Variants in ADGRA3 observed in about 807,000 individuals in gnomAD.
The protein encoded by ADGRA3 is G-protein coupled receptor 125.
A neutral mutation model predicts 119.8 loss-of-function variants in ADGRA3; 56 were observed. The observed-to-expected ratio is 0.47, with a 90% CI of 0.38 to 0.58. The LOEUF (loss-of-function observed/expected upper bound fraction) is 0.58. Ranked by LOEUF, ADGRA3 falls within the 20% of genes least tolerant of loss-of-function variation. The pLI is 0.00. For missense variants in ADGRA3, 1,516 were observed against 1,649.0 expected (o/e 0.92, Z 1.40); for synonymous variants, 607 against 623.8 (o/e 0.97, Z 0.40).
chr4:22,469,571 C>T (rs1351047027), intron 2 of ADGRA3, among the ~76,000 whole-genome samples: 2 of 152,210 alleles, frequency 1.3e-5, no homozygotes, highest in Non-Finnish European at 2.9e-5. Context: ...CATACCACTT[C>T]TTTGAGTTCT....
intron 1 of ADGRA3, among the ~76,000 whole-genome samples, chr4:22,476,375 A>T (rs1718045453): frequency 6.6e-6 from 1 of 152,174 alleles, no homozygotes; most frequent in South Asian, 2.1e-4. Context: ...ACAGACAAAA[A>T]TCGGAAACTC....
intron 14 of ADGRA3, among the ~76,000 whole-genome samples, chr4:22,410,170 T>C (rs1325417465): frequency 6.6e-6 from 1 of 152,198 alleles, no homozygotes; most frequent in East Asian, 1.9e-4. Context: ...GTTTCATATT[T>C]TTAGGTGAAC....
intron 3 of ADGRA3, among the ~76,000 whole-genome samples, chr4:22,459,312 T>C (rs1717358765): frequency 6.6e-6 from 1 of 151,710 alleles, no homozygotes; most frequent in Admixed American, 6.6e-5. Flanking sequence ...CACTGGGGCC[T>C]TTTGGAGGGA....
chr4:22,484,077 TAAAGAA>T (rs539049248), intron 1 of ADGRA3, among the ~76,000 whole-genome samples: 6 of 152,094 alleles, frequency 3.9e-5, no homozygotes, highest in East Asian at 1.9e-4. Flanking sequence ...CTAAAGATGC[TAAAGAA>T]AAAGTCAAGA....
chr4:22,451,392 A>G (rs1344017403), intron 4 of ADGRA3, among the ~76,000 whole-genome samples: 11 of 152,138 alleles, frequency 7.2e-5, no homozygotes, highest in Non-Finnish European at 1.5e-5. Flanking sequence ...ACAGAAGTCC[A>G]TTATTGGCTC....
intron 10 of ADGRA3, among the ~76,000 whole-genome samples, chr4:22,432,555 A>C (rs1179221116): frequency 3.3e-5 from 5 of 152,224 alleles, no homozygotes; most frequent in Non-Finnish European, 7.3e-5. Flanking sequence ...TCGCACTCAC[A>C]TATTTTAAAA....
chr4:22,400,458 T>C (rs766257143), intron 16 of ADGRA3, among the ~76,000 whole-genome samples: 1 of 152,164 alleles, frequency 6.6e-6, no homozygotes, highest in Non-Finnish European at 1.5e-5. Flanking sequence ...AAATACTGCA[T>C]GATTCCACTT....
intron 12 of ADGRA3, chr4:22,420,489 G>T (rs1009584561): frequency 4.8e-6 from 1 of 209,782 alleles, no homozygotes; most frequent in East Asian, 1.1e-4. Flanking sequence ...CTTGGCAGGC[G>T]CAGTGCCAAA....
intron 1 of ADGRA3, chr4:22,478,119 A>G (rs569486041): frequency 6.6e-6 from 1 of 152,320 alleles, no homozygotes; most frequent in South Asian, 2.1e-4. Flanking sequence ...GACGATGCTT[A>G]GGAACGCTAC....
intron 1 of ADGRA3, among the ~76,000 whole-genome samples, chr4:22,500,260 G>C (rs1360830683): frequency 1.3e-5 from 2 of 152,168 alleles, no homozygotes; most frequent in African/African-American, 4.8e-5. Context: ...AATAACAATA[G>C]TTAGAATTGA....
At chr4:22,401,662 A>G (rs1714655309) in intron 15 of ADGRA3, 108 bp from the exon 16 acceptor site, 8 of 719,042 alleles carry the variant, frequency 1.1e-5, no homozygotes, top group Non-Finnish European at 1.5e-5. Flanking sequence ...TAAATATTTG[A>G]TATTTAAACA....
intron 17 of ADGRA3, among the ~76,000 whole-genome samples, chr4:22,390,952 A>G (rs1335223124): frequency 1.3e-5 from 2 of 152,008 alleles, no homozygotes; most frequent in Non-Finnish European, 2.9e-5. Flanking sequence ...CTCATCCTAC[A>G]ACATAACTCT....
rs145176478 is a variant in ADGRA3, at chr4:22,500,161, T to C, written c.257+15367A>G. Among the ~76,000 whole-genome samples, 753 of 146,096 alleles carry C rather than the reference T, an allele frequency of 5.2e-3. 7 individuals carry two copies. Among genetic ancestry groups the C allele is most frequent in the African/African-American group, 0.017 (710 of 40,842 alleles). On this transcript the variant is annotated intron_variant, in intron 1 of 18. Transcript: ENST00000334304. Reference sequence around the variant, plus strand: ...AGTCATCGCTGAAGGAATGCTTCCATGTAAACAAGTTTTCTGTAACAACTG... The same window carrying C: ...AGTCATCGCTGAAGGAATGCTTCCACGTAAACAAGTTTTCTGTAACAACTG...
intron 1 of ADGRA3, among the ~76,000 whole-genome samples, chr4:22,511,475 G>A (rs560589198): frequency 2.7e-4 from 41 of 152,212 alleles, no homozygotes; most frequent in African/African-American, 9.1e-4. Context: ...CAATACTGTT[G>A]AAGGATCTGA....
intron 10 of ADGRA3, among the ~76,000 whole-genome samples, chr4:22,430,018 T>G (rs1716094434): frequency 6.6e-6 from 1 of 152,152 alleles, no homozygotes; most frequent in Admixed American, 6.5e-5. Context: ...CGATATCTGA[T>G]GGTATTATAA....
intron 7 of ADGRA3, among the ~76,000 whole-genome samples, chr4:22,438,715 A>C (rs901707074): frequency 7.9e-5 from 12 of 152,154 alleles, no homozygotes; most frequent in Non-Finnish European, 1.6e-4. Flanking sequence ...AGAGCAGAAC[A>C]CTTTACAGAA....
chr4:22,462,319 G>C (rs1046362479), intron 2 of ADGRA3, among the ~76,000 whole-genome samples: 2 of 151,908 alleles, frequency 1.3e-5, no homozygotes, highest in African/African-American at 4.8e-5. Context: ...TGTTGTTGTT[G>C]TTGTTGTCAT....
Position 22,414,622 on chromosome 4 carries a change from G to A in ADGRA3, c.1810-808C>T, listed in dbSNP as rs149996928. On this transcript the variant is annotated intron_variant, in intron 12 of 18. Coordinates refer to ENST00000334304, the MANE Select transcript of ADGRA3 (RefSeq NM_145290.4). ...GGAATTTCCCCTTAAGAAACAAATC[G>A]AATCATGTTATTCCAGTTTAAATAA... The A allele has an allele frequency of 3.0e-4, 211 of 697,798 alleles. 2 individuals are homozygous for A. The African/African-American group carries it at 3.3e-3, about 11-fold the overall frequency. The allele number at this position is 697,798 out of a possible 1,614,324, so 43.2% of individuals were successfully genotyped here. A position where few individuals can be genotyped will look rare whatever the true frequency, so the allele number is the denominator to read the frequency against.
chr4:22,417,639 A>T (rs1462460556), intron 12 of ADGRA3, among the ~76,000 whole-genome samples: 1 of 152,134 alleles, frequency 6.6e-6, no homozygotes, highest in South Asian at 2.1e-4. Flanking sequence ...AGTCTTAGTC[A>T]CTGTATCATA....
Sources: allele counts gnomAD v4.1 joint callset (sites outside exome capture counted in the v4.1 genomes callset), GRCh38; gene constraint gnomAD v4.1.1; transcripts MANE v1.5; gene names NCBI Gene and HGNC (gene_info 2026-07-23, HGNC 2026-07-21).